The following BTBD7 variants were observed in gnomAD, a reference collection of about 807,000 sequenced individuals.
BTBD7 encodes the protein BTB/POZ domain-containing protein 7.
BTBD7 carries 38 observed loss-of-function variants against 99.9 expected under a neutral mutation model. The ratio of observed to expected loss-of-function variants is 0.38; its 90% CI spans 0.29 to 0.50. The LOEUF (loss-of-function observed/expected upper bound fraction) is 0.50. Ranked by LOEUF, BTBD7 falls within the 20% of genes least tolerant of loss-of-function variation. BTBD7 has a pLI of 0.93. For synonymous variants in BTBD7, 520 were observed against 511.4 expected (o/e 1.02, Z -0.23); for missense variants, 1,170 against 1,394.6 (o/e 0.84, Z 2.57).
At chr14:93,256,991 A>C in intron 6 of BTBD7, 1 of 531,602 alleles carries the variant, frequency 1.9e-6, no homozygotes, top group Non-Finnish European at 3.3e-6. Flanking sequence ...TTACCCACTC[A>C]ACTCTCATTC....
intron 1 of BTBD7, among the ~76,000 whole-genome samples, chr14:93,315,947 G>T (rs1302404834): frequency 7.9e-6 from 1 of 125,968 alleles, no homozygotes; most frequent in African/African-American, 3.2e-5. Flanking sequence ...GGAGCAAAAT[G>T]TATCTTTTTT....
At chr14:93,253,160 A>G (rs1350260290) in intron 7 of BTBD7, among the ~76,000 whole-genome samples, 1 of 152,218 alleles carries the variant, frequency 6.6e-6, no homozygotes, top group Non-Finnish European at 1.5e-5. Context: ...CGAACTAGTT[A>G]CTTAACAGGC....
intron 1 of BTBD7, among the ~76,000 whole-genome samples, chr14:93,300,780 A>AT (rs1429792076): frequency 1.2e-5 from 1 of 85,690 alleles, no homozygotes; most frequent in African/African-American, 6.0e-5. Context: ...GTGTATATAT[A>AT]TATATATTTT....
chr14:93,311,038 GAATA>G, intron 1 of BTBD7, among the ~76,000 whole-genome samples: 1 of 152,078 alleles, frequency 6.6e-6, no homozygotes, highest in East Asian at 1.9e-4. Context: ...AGAAAGGACA[GAATA>G]AATGAGTAAT....
intron 1 of BTBD7, among the ~76,000 whole-genome samples, chr14:93,306,879 AT>A (rs1394513217): frequency 1.3e-5 from 2 of 152,174 alleles, no homozygotes; most frequent in East Asian, 3.8e-4. Flanking sequence ...TTTAGAGATC[AT>A]TTCTTAAAAC....
At chr14:93,252,266 C>T (rs1166806093) in intron 7 of BTBD7, among the ~76,000 whole-genome samples, 1 of 151,136 alleles carries the variant, frequency 6.6e-6, no homozygotes, top group African/African-American at 2.4e-5. Flanking sequence ...GCTGAGATCT[C>T]ACTGCGGCAC....
Position 93,332,816 on chromosome 14 carries a change from T to G in BTBD7, c.-107+4A>C. 6.8e-7 allele frequency: 1 copy of G among 1,475,312 alleles called. No individual in the cohort carries two copies. The highest frequency in any genetic ancestry group is 8.9e-7 in the Non-Finnish European group (1 of 1,119,760). The allele number at this position is 1,475,312 out of a possible 1,614,324, so 91.4% of individuals were successfully genotyped here. A position where few individuals can be genotyped will look rare whatever the true frequency, so the allele number is the denominator to read the frequency against. On this transcript the variant is annotated splice_donor_region_variant and intron_variant, in intron 1 of 10. Transcript: ENST00000334746. The stretch of plus-strand genomic sequence containing the variant: ...CAGCCTCAGAGACACCAAGGGACAC[T>G]CACCCCGGAGGCTCCTCCCGCCGCT...
chr14:93,239,578 T>C lies in BTBD7; in HGVS notation c.*2695A>G, dbSNP rs2052198161. On this transcript the variant is annotated 3_prime_UTR_variant, in exon 11 of 11. Coordinates refer to ENST00000334746, the MANE Select transcript of BTBD7 (RefSeq NM_001002860.4). ...GCTCTTGAACCTACCCTAGTAACCA[T>C]ACTTCACAAGATACATTAAAAGTCC... 6.6e-6 allele frequency: 1 copy of C among 152,358 alleles called. No individual in the cohort carries two copies. The highest frequency in any genetic ancestry group is 2.4e-5 in the African/African-American group (1 of 41,346). The allele number at this position is 152,358 out of a possible 1,614,324, so 9.4% of individuals were successfully genotyped here.
intron 1 of BTBD7, among the ~76,000 whole-genome samples, chr14:93,299,099 G>T (rs1041042283): frequency 1.3e-5 from 2 of 152,142 alleles, no homozygotes; most frequent in Admixed American, 6.5e-5. Context: ...ACAGACCTTG[G>T]AAGGGAAGGG....
chr14:93,287,095 G>A (rs752781679), intron 3 of BTBD7, among the ~76,000 whole-genome samples: 7 of 152,044 alleles, frequency 4.6e-5, no homozygotes, highest in Non-Finnish European at 7.4e-5. Flanking sequence ...CGGGCATGGT[G>A]GCAGGCACCT....
chr14:93,331,709 C>A (rs1185870540), intron 1 of BTBD7, among the ~76,000 whole-genome samples: 1 of 152,128 alleles, frequency 6.6e-6, no homozygotes, highest in African/African-American at 2.4e-5. Context: ...GGTGAAACCA[C>A]GTCTCTATTA....
intron 3 of BTBD7, among the ~76,000 whole-genome samples, chr14:93,283,683 C>G (rs2052746264): frequency 1.3e-5 from 2 of 152,150 alleles, no homozygotes; most frequent in African/African-American, 4.8e-5. Flanking sequence ...ACCAGAGTAG[C>G]TGGGATTACA....
chr14:93,300,090 G>A (rs2052975856), intron 1 of BTBD7, among the ~76,000 whole-genome samples: 2 of 152,106 alleles, frequency 1.3e-5, no homozygotes, highest in South Asian at 4.1e-4. Flanking sequence ...TTATCTCTGT[G>A]TCACTAATTT....
In BTBD7 at chr14:93,285,897, AAGGACACTATT is replaced by A. The variant is rs1295360307; in HGVS notation, c.1162+7950_1162+7960del. Among the ~76,000 whole-genome samples, 4 of 152,350 alleles carry A rather than the reference AAGGACACTATT, an allele frequency of 2.6e-5. No individual in the cohort carries two copies. The East Asian group carries it at 7.7e-4, about 29-fold the overall frequency. On this transcript the variant is annotated intron_variant, in intron 3 of 10. Coordinates refer to ENST00000334746, the MANE Select transcript of BTBD7 (RefSeq NM_001002860.4). ...TTAAAGAGAAAAGGAATTTATCTCAAAGGACACTATTAATCTACAGTGTTGCTGGGAAAAGC... is the reference window on the plus strand; with the variant it reads ...TTAAAGAGAAAAGGAATTTATCTCAAAATCTACAGTGTTGCTGGGAAAAGC...
intron 3 of BTBD7, among the ~76,000 whole-genome samples, chr14:93,287,228 CAA>C (rs528012658): frequency 2.4e-5 from 3 of 126,798 alleles, no homozygotes; most frequent in Non-Finnish European, 3.3e-5. Flanking sequence ...GACTCTGTCT[CAA>C]AAAAAAAAAA....
intron 3 of BTBD7, among the ~76,000 whole-genome samples, chr14:93,279,502 C>T (rs982904259): frequency 1.3e-5 from 2 of 152,174 alleles, no homozygotes; most frequent in Admixed American, 6.6e-5. Context: ...TCTATTAGGG[C>T]ACTCACACTC....
At chr14:93,315,258 A>G (rs1232463472) in intron 1 of BTBD7, among the ~76,000 whole-genome samples, 1 of 152,188 alleles carries the variant, frequency 6.6e-6, no homozygotes, top group Non-Finnish European at 1.5e-5. Flanking sequence ...AGAGTTTATA[A>G]CACAGTTATT....
intron 3 of BTBD7, among the ~76,000 whole-genome samples, chr14:93,283,399 AAAAAG>A (rs1216075142): frequency 6.6e-6 from 1 of 152,236 alleles, no homozygotes; most frequent in Non-Finnish European, 1.5e-5. Flanking sequence ...TATTTTAAAT[AAAAAG>A]AAATTTAGAC....
chr14:93,294,977 T>A (rs2052907772), intron 2 of BTBD7, 40 bp from the exon 3 acceptor site: 1 of 1,484,384 alleles, frequency 6.7e-7, no homozygotes, highest in African/African-American at 1.4e-5. Flanking sequence ...TATTTTTTCT[T>A]AACATTCATT....
Sources: gnomAD v4.1 joint callset for allele counts (sites outside exome capture counted in the v4.1 genomes callset) on GRCh38, gnomAD v4.1.1 for gene constraint, MANE v1.5 for transcripts, NCBI Gene and HGNC (gene_info 2026-07-23, HGNC 2026-07-21) for gene names.